Variants in ABCA6 observed in about 807,000 individuals in gnomAD.
ABCA6 encodes ATP-binding cassette sub-family A member 6.
Under a neutral mutation model 191.2 loss-of-function variants are expected in ABCA6, and 164 were observed. The observed-to-expected ratio is 0.86, with a 90% CI of 0.76 to 0.98. The LOEUF (loss-of-function observed/expected upper bound fraction) is 0.98. Ranked by LOEUF, ABCA6 falls within the 50% of genes least tolerant of loss-of-function variation. The pLI is 0.00. For missense variants in ABCA6, 1,958 were observed against 1,894.1 expected, an observed-to-expected ratio of 1.03 and a Z score of -0.63; for synonymous variants, 636 against 647.7, an observed-to-expected ratio of 0.98 and a Z score of 0.27.
intron 6 of ABCA6, among the ~76,000 whole-genome samples, chr17:69,132,543 C>T (rs186698331): frequency 1.3e-3 from 195 of 152,240 alleles, no homozygotes; most frequent in African/African-American, 4.5e-3. Flanking sequence ...TGCAGTAGCA[C>T]GATCTCAGTT....
Position 69,083,317 on chromosome 17 carries a change from G to C in ABCA6, c.4370C>G (p.Ala1457Gly). ...ACCTCTCTCTGTGTTTTTAACGACTGCCTGGATTGCCTGCCTGCAGTGAGC... is the reference window on the plus strand; with the variant it reads ...ACCTCTCTCTGTGTTTTTAACGACTCCCTGGATTGCCTGCCTGCAGTGAGC... Reference protein sequence around the residue: ...GQQQMWQAIQAVVKNTERGVL... With the variant: ...GQQQMWQAIQGVVKNTERGVL... The change falls in exon 35 of 39, where the codon GCA becomes GGA. Residue 1457 changes from alanine (A) to glycine (G), a missense_variant. Transcript: ENST00000284425. 6.3e-7 allele frequency: 1 copy of C among 1,589,054 alleles called. No homozygotes were observed. The highest frequency in any genetic ancestry group is 8.5e-7 in the Non-Finnish European group (1 of 1,173,368).
At chr17:69,089,080 G>A (rs2072869500) in intron 27 of ABCA6, among the ~76,000 whole-genome samples, 1 of 152,198 alleles carries the variant, frequency 6.6e-6, no homozygotes. Context: ...TTCAAAGACA[G>A]TAGTTCCCTT....
At chr17:69,080,924 C>G in intron 37 of ABCA6, 142 bp downstream of exon 37, 7 of 498,852 alleles carry the variant, frequency 1.4e-5, no homozygotes. Context: ...TTAAATCTCA[C>G]CATTACCTAC....
In ABCA6 at chr17:69,128,631, A is replaced by T; in HGVS notation, c.1107T>A (p.Thr369=). The change falls in exon 8 of 39, where the codon ACT becomes ACA. Residue 369 remains threonine (T), a synonymous_variant. Transcript: ENST00000284425. ...ACTAGGCTCTTACCTGAATCATTCCAGTAGTAAAGGCAAAAGGGCTACAAA... is the reference window on the plus strand; with the variant it reads ...ACTAGGCTCTTACCTGAATCATTCCTGTAGTAAAGGCAAAAGGGCTACAAA... ...LNICSPFAFT[T]GMIQIIKLDY... is the part of the protein sequence containing the mutation. The T allele has an allele frequency of 6.2e-7, 1 of 1,611,472 alleles. No individual in the cohort carries two copies. Among genetic ancestry groups the T allele is most frequent in the Non-Finnish European group, 8.5e-7 (1 of 1,178,628 alleles).
At chr17:69,105,319 CT>C in intron 20 of ABCA6, 142 bp downstream of exon 20, 1 of 793,532 alleles carries the variant, frequency 1.3e-6, no homozygotes, top group South Asian at 2.0e-5. Flanking sequence ...TAAATCTGCA[CT>C]GTTCCTCATA....
chr17:69,136,087 G>C lies in ABCA6; in HGVS notation c.460+5C>G. The C allele has an allele frequency of 6.2e-7, 1 of 1,608,458 alleles. No homozygotes were observed. Among genetic ancestry groups the C allele is most frequent in the Non-Finnish European group, 8.5e-7 (1 of 1,176,642 alleles). On this transcript the variant is annotated splice_donor_5th_base_variant and intron_variant, in intron 4 of 38. Coordinates refer to ENST00000284425, the MANE Select transcript of ABCA6 (RefSeq NM_080284.3). ...TCCATAATGATATTTGATATGGAAA[G>C]TCACCTGAGAAATCTTCTTTCCAAA...
chr17:69,119,437 C>T (rs1413825891), intron 10 of ABCA6, among the ~76,000 whole-genome samples: 4 of 151,996 alleles, frequency 2.6e-5, no homozygotes, highest in Non-Finnish European at 5.9e-5. Context: ...TTGTTCACTG[C>T]CTCTAGTTCC....
At chr17:69,115,320 C>T in intron 12 of ABCA6, 56 bp downstream of exon 12, 5 of 1,313,908 alleles carry the variant, frequency 3.8e-6, no homozygotes, top group Admixed American at 1.8e-5. Context: ...GAGGCATATG[C>T]TTGACCTCAT....
At chr17:69,133,547 A>G (rs2073900269) in intron 6 of ABCA6, 94 bp downstream of exon 6, 16 of 957,978 alleles carry the variant, frequency 1.7e-5, no homozygotes, top group Non-Finnish European at 2.3e-5. Flanking sequence ...CAATGCATCA[A>G]GTTTAAACCA....
intron 11 of ABCA6, among the ~76,000 whole-genome samples, chr17:69,116,611 A>C (rs1568023671): frequency 6.6e-6 from 1 of 152,138 alleles, no homozygotes; most frequent in Non-Finnish European, 1.5e-5. Flanking sequence ...AATTGGAAAC[A>C]AATTGAATCT....
intron 17 of ABCA6, chr17:69,109,696 C>G (rs2073382399): frequency 6.6e-6 from 1 of 152,144 alleles, no homozygotes; most frequent in South Asian, 2.1e-4. Flanking sequence ...CTTGCTCAGG[C>G]TCAGGACGTG....
chr17:69,083,399 C>T (rs2072691675), intron 34 of ABCA6, 68 bp from the exon 35 acceptor site: 2 of 1,466,360 alleles, frequency 1.4e-6, no homozygotes, highest in African/African-American at 1.4e-5. Flanking sequence ...AGATAAAATA[C>T]AATATATGAA....
chr17:69,105,704 G>C (rs1323222987), intron 19 of ABCA6, 76 bp from the exon 20 acceptor site: 3 of 1,133,590 alleles, frequency 2.6e-6, no homozygotes, highest in Admixed American at 4.9e-5. Flanking sequence ...ACAAGTATTT[G>C]TTGAGTGCCA....
At chr17:69,119,562 A>G (rs990739163) in intron 10 of ABCA6, among the ~76,000 whole-genome samples, 2 of 151,914 alleles carry the variant, frequency 1.3e-5, no homozygotes, top group South Asian at 2.1e-4. Context: ...CCTCAGAGGG[A>G]AAGTCAAGGC....
rs192574742 is a variant in ABCA6, at chr17:69,114,114, C to T, written c.1783-377G>A. Among the ~76,000 whole-genome samples, 443 of 152,148 alleles carry T rather than the reference C, an allele frequency of 2.9e-3. 2 individuals are homozygous for T. Among genetic ancestry groups the T allele is most frequent in the African/African-American group, 9.4e-3 (391 of 41,526 alleles). On this transcript the variant is annotated intron_variant, in intron 13 of 38. Transcript: ENST00000284425. The stretch of plus-strand genomic sequence containing the variant: ...ATGCTGCTATAAAGACACATGCACA[C>T]GTATGTTTATTGTGGCACTATTCAC...
chr17:69,079,067 A>G lies in ABCA6; in HGVS notation c.4760T>C (p.Leu1587Ser). 1.2e-6 allele frequency: 2 copies of G among 1,603,528 alleles called. No homozygotes were observed. The highest frequency in any genetic ancestry group is 1.7e-6 in the Non-Finnish European group (2 of 1,172,196). Residue 1587 changes from leucine to serine, a missense_variant, in exon 39 of 39, where the codon TTA becomes TCA. Transcript: ENST00000284425. Reference sequence around the variant, plus strand: ...TACTTCCTGTTCTTTAGAAAGCTCTAAGAATACCTAATTAGGAGACAAAGA... The same window carrying G: ...TACTTCCTGTTCTTTAGAAAGCTCTGAGAATACCTAATTAGGAGACAAAGA... Reference protein sequence around the residue: ...LSQCTLEKVFLELSKEQEVGN... With the variant: ...LSQCTLEKVFSELSKEQEVGN...
intron 4 of ABCA6, among the ~76,000 whole-genome samples, chr17:69,135,034 C>T (rs562654896): frequency 1.3e-5 from 2 of 151,848 alleles, no homozygotes; most frequent in African/African-American, 2.4e-5. Flanking sequence ...GCACAGGCCA[C>T]GTTGTCTAGC....
At chr17:69,097,890 A>G (rs1415673515) in intron 23 of ABCA6, 30 bp downstream of exon 23, 1 of 1,505,362 alleles carries the variant, frequency 6.6e-7, no homozygotes, top group South Asian at 1.2e-5. Flanking sequence ...GAAATTCCTG[A>G]AATTTCTTCT....
intron 10 of ABCA6, among the ~76,000 whole-genome samples, chr17:69,121,736 T>C (rs976096709): frequency 6.6e-6 from 1 of 151,968 alleles, no homozygotes; most frequent in Non-Finnish European, 1.5e-5. Context: ...GAAGATTGGA[T>C]CTGAAAATTT....
Sources: gnomAD v4.1 joint callset for allele counts (sites outside exome capture counted in the v4.1 genomes callset) on GRCh38, gnomAD v4.1.1 for gene constraint, MANE v1.5 for transcripts, NCBI Gene and HGNC (gene_info 2026-07-23, HGNC 2026-07-21) for gene names.